ASMTL: variants seen among roughly 807,000 people sequenced by gnomAD.
ASMTL encodes the protein probable bifunctional dTTP/UTP pyrophosphatase/methyltransferase protein.
In ASMTL, 57 loss-of-function variants were observed where a neutral mutation model predicts 60.3. That is an observed-to-expected ratio of 0.95 (90% CI 0.76 to 1.18). The LOEUF is 1.18. Ranked by LOEUF, ASMTL falls within the 50% of genes most tolerant of loss-of-function variation. The pLI, the probability that ASMTL is intolerant of heterozygous loss-of-function variation, is 0.00. For synonymous variants in ASMTL, 419 were observed against 373.0 expected (o/e 1.12, Z -1.42); for missense variants, 981 against 852.6 (o/e 1.15, Z -1.88).
intron 4 of ASMTL, 91 bp downstream of exon 4, chrX:1,435,603 T>C: frequency 8.0e-7 from 1 of 1,253,598 alleles, no homozygotes; most frequent in South Asian, 1.2e-5. Flanking sequence ...CTGACAGAGA[T>C]CCACCCTGCT....
At position 1,452,612 on chromosome X, in the gene ASMTL, C is replaced by T. The variant is rs1313315260; in HGVS notation, c.93+136G>A. 6 of 676,224 alleles carry T rather than the reference C, an allele frequency of 8.9e-6. No individual in the cohort carries two copies. The Admixed American group carries it at 1.2e-4, about 14-fold the overall frequency. 41.9% of individuals were successfully genotyped at this position (676,224 alleles called of 1,614,324 possible). A position where few individuals can be genotyped will look rare whatever the true frequency, so the allele number is the denominator to read the frequency against. On this transcript the variant is annotated intron_variant, in intron 1 of 12. Transcript: ENST00000381317. Reference sequence around the variant, plus strand: ...AACCCTATCCCTGGAGGTCCCGGGACACTCTCCCCTCCCCCATCCCTAAGG... The same window carrying T: ...AACCCTATCCCTGGAGGTCCCGGGATACTCTCCCCTCCCCCATCCCTAAGG...
At position 1,452,778 on chromosome X, in the gene ASMTL, G is replaced by T; in HGVS notation, c.63C>A (p.Ser21=). 3 of 1,596,782 alleles carry T rather than the reference G, an allele frequency of 1.9e-6. No individual in the cohort carries two copies. The highest frequency in any genetic ancestry group is 1.7e-6 in the Non-Finnish European group (2 of 1,177,322). Residue 21 remains serine, a synonymous_variant, in exon 1 of 13, where the codon TCC becomes TCA. Coordinates refer to ENST00000381317, the MANE Select transcript of ASMTL (RefSeq NM_004192.4). ...TGCTGAGGATCTCCTGACGGCGTGG[G>T]GAGGCGCTGGCCAGCACCACGCGCT... The part of the protein sequence containing the change: ...LHKRVVLASA[S]PRRQEILSNA...
chrX:1,418,008 G>C lies in ASMTL; in HGVS notation c.1487C>G (p.Pro496Arg). The C allele has an allele frequency of 6.2e-7, 1 of 1,613,466 alleles. No individual in the cohort carries two copies. Among genetic ancestry groups the C allele is most frequent in the African/African-American group, 1.3e-5 (1 of 75,030 alleles). ...IIELAAHFQPPGPQAVQIHFA... is the reference protein window; with the variant it reads ...IIELAAHFQPRGPQAVQIHFA... ...GTGGATCTGCACTGCCTGCGGTCCG[G>C]GGGGTTGGAAGTGGGCGGCCAGCTC... is the stretch of plus-strand genomic sequence containing the variant. Residue 496 changes from proline to arginine, a missense_variant, in exon 11 of 13, where the codon CCC becomes CGC. Coordinates refer to ENST00000381317, the MANE Select transcript of ASMTL (RefSeq NM_004192.4).
At chrX:1,441,930 A>G (rs2091118546) in intron 2 of ASMTL, 1 of 482,432 alleles carries the variant, frequency 2.1e-6, no homozygotes, top group Admixed American at 3.7e-5. Flanking sequence ...ATTGTATATC[A>G]TCAATGATAC....
chrX:1,427,912 T>C lies in ASMTL; in HGVS notation c.719A>G (p.Asp240Gly), dbSNP rs2090656680. The part of the protein sequence containing the change: ...PAADTFEDLS[D>G]VEGGGSEPTQ... ...GGGCTCCGAGCCGCCCCCCTCCACG[T>C]CACTGAGGTCTTCGAAGGTGTCCGC... Residue 240 changes from aspartate to glycine, a missense_variant, in exon 7 of 13, where the codon GAC becomes GGC. By Grantham distance (94) the Asp-to-Gly change is moderately conservative. Coordinates refer to ENST00000381317, the MANE Select transcript of ASMTL (RefSeq NM_004192.4). 6.2e-7 allele frequency: 1 copy of C among 1,613,334 alleles called. No individual in the cohort carries two copies. Among genetic ancestry groups the C allele is most frequent in the Admixed American group, 1.7e-5 (1 of 60,016 alleles).
rs780081279 is a variant in ASMTL at position 1,435,764 on chromosome X, A to C, written c.274-6T>G. 1.1e-5 allele frequency: 18 copies of C among 1,613,128 alleles called. No individual in the cohort carries two copies. Among genetic ancestry groups the C allele is most frequent in the Middle Eastern group, 3.4e-4 (2 of 5,878 alleles). On this transcript the variant is annotated splice_polypyrimidine_tract_variant and splice_region_variant and intron_variant, in intron 3 of 12. Transcript: ENST00000381317. ...AGAATCAGCCCCCCGACTGTCTGTG[A>C]GAGGAAGGGACAGAGGGAGTTGGTT...
intron 11 of ASMTL, among the ~76,000 whole-genome samples, chrX:1,417,399 C>T (rs1239324422): frequency 2.3e-5 from 1 of 44,064 alleles, no homozygotes; most frequent in Non-Finnish European, 7.0e-5. Context: ...CAGAGACTTG[C>T]AGACACGTGG....
intron 6 of ASMTL, among the ~76,000 whole-genome samples, chrX:1,431,445 C>T (rs1385385409): frequency 1.5e-5 from 2 of 134,682 alleles, no homozygotes; most frequent in South Asian, 2.3e-4. Flanking sequence ...TCTATTATAA[C>T]AGTATATATT....
At chrX:1,435,412 GC>G (rs1377941509) in intron 4 of ASMTL, 1 of 606,376 alleles carries the variant, frequency 1.6e-6, no homozygotes, top group Non-Finnish European at 2.9e-6. Flanking sequence ...GGTCCAGGAT[GC>G]CCAGTGGGAA....
intron 9 of ASMTL, among the ~76,000 whole-genome samples, chrX:1,419,432 C>G (rs1442306133): frequency 6.6e-6 from 1 of 152,168 alleles, no homozygotes; most frequent in African/African-American, 2.4e-5. Context: ...CTGGAGGCTC[C>G]GGGTGGCCCA....
In ASMTL at chrX:1,411,178, C is replaced by T. The variant is rs767015550; in HGVS notation, c.1645+1554G>A. The stretch of plus-strand genomic sequence containing the variant: ...CAGCCTGGGCGACAGAGCGAGACTC[C>T]GTCTCAAAAAAAAAAAAGAAGAGAG... On this transcript the variant is annotated intron_variant, in intron 12 of 12. Coordinates refer to ENST00000381317, the MANE Select transcript of ASMTL (RefSeq NM_004192.4). Among the ~76,000 whole-genome samples the T allele has an allele frequency of 1.1e-4, 17 of 150,844 alleles. No individual in the cohort carries two copies. In the South Asian group the frequency reaches 2.7e-3, roughly 24 times the overall value.
intron 11 of ASMTL, among the ~76,000 whole-genome samples, chrX:1,415,165 T>C (rs1360931594): frequency 2.8e-5 from 3 of 107,062 alleles, no homozygotes; most frequent in African/African-American, 9.7e-5. Flanking sequence ...GGTCTCAAAC[T>C]CCTGACCTCA....
intron 10 of ASMTL, 91 bp from the exon 11 acceptor site, chrX:1,418,207 AAGG>A: frequency 7.1e-7 from 1 of 1,403,828 alleles, no homozygotes; most frequent in Non-Finnish European, 9.6e-7. Flanking sequence ...AGTAATGTTC[AAGG>A]GCATGGCATT....
At chrX:1,428,681 T>C (rs764123575) in intron 6 of ASMTL, among the ~76,000 whole-genome samples, 1 of 37,674 alleles carries the variant, frequency 2.7e-5, no homozygotes, top group Admixed American at 3.2e-4. Flanking sequence ...TTTCATGTGT[T>C]AAATGGGATG....
chrX:1,422,342 T>G (rs1236446676), intron 8 of ASMTL, among the ~76,000 whole-genome samples: 13 of 152,198 alleles, frequency 8.5e-5, no homozygotes, highest in African/African-American at 3.1e-4. Context: ...AAATTCCACT[T>G]GAAGATGGCA....
At chrX:1,416,161 A>C in intron 11 of ASMTL, among the ~76,000 whole-genome samples, 1 of 151,528 alleles carries the variant, frequency 6.6e-6, no homozygotes, top group East Asian at 1.9e-4. Context: ...ACACACATGG[A>C]CATACAGATA....
At chrX:1,424,670 A>C (rs1393600783) in intron 8 of ASMTL, among the ~76,000 whole-genome samples, 3 of 148,748 alleles carry the variant, frequency 2.0e-5, no homozygotes, top group Admixed American at 6.7e-5. Flanking sequence ...TCATCGATCC[A>C]TCCATCCATC....
In ASMTL at chrX:1,418,002, G is replaced by A. The variant is rs758826505; in HGVS notation, c.1493C>T (p.Pro498Leu). The change falls in exon 11 of 13, where the codon CCG becomes CTG. Residue 498 changes from proline (P) to leucine (L), a missense_variant. Pro to Leu is a moderately conservative substitution (Grantham distance 98, BLOSUM62 -3). Coordinates refer to ENST00000381317, the MANE Select transcript of ASMTL (RefSeq NM_004192.4). ...TGCGAAGTGGATCTGCACTGCCTGC[G>A]GTCCGGGGGGTTGGAAGTGGGCGGC... is the stretch of plus-strand genomic sequence containing the variant. ...ELAAHFQPPG[P>L]QAVQIHFAAG... The A allele has an allele frequency of 2.1e-5, 34 of 1,613,068 alleles. No individual in the cohort carries two copies. The highest frequency in any genetic ancestry group is 1.7e-4 in the Middle Eastern group (1 of 6,052).
intron 12 of ASMTL, among the ~76,000 whole-genome samples, chrX:1,407,176 T>G (rs1166171727): frequency 7.3e-6 from 1 of 137,284 alleles, no homozygotes; most frequent in African/African-American, 2.8e-5. Flanking sequence ...AATGGATGTA[T>G]ATAGATGGAT....
Sources: gnomAD v4.1 joint callset for allele counts (sites outside exome capture counted in the v4.1 genomes callset) on GRCh38, gnomAD v4.1.1 for gene constraint, MANE v1.5 for transcripts, NCBI Gene and HGNC (gene_info 2026-07-23, HGNC 2026-07-21) for gene names.